Variants in HS3ST2 observed in about 807,000 individuals in gnomAD.
The protein encoded by HS3ST2 is heparan sulfate-glucosamine 3-sulfotransferase 2.
Under a neutral mutation model 26.3 loss-of-function variants are expected in HS3ST2, and 17 were observed. The ratio of observed to expected loss-of-function variants is 0.65; its 90% CI spans 0.44 to 0.97. The LOEUF (loss-of-function observed/expected upper bound fraction) is 0.97, where lower values mean the gene tolerates loss of function less well. Ranked by LOEUF, HS3ST2 falls within the 50% of genes least tolerant of loss-of-function variation. The probability of loss-of-function intolerance (pLI) is 0.00; values close to 1 mark genes in which losing one functional copy is unlikely to be tolerated. For synonymous variants in HS3ST2, 237 were observed against 219.2 expected, an observed-to-expected ratio of 1.08 and a Z score of -0.72; for missense variants, 402 against 501.2, an observed-to-expected ratio of 0.80 and a Z score of 1.89.
chr16:22,817,902 G>A (rs2141172656), intron 1 of HS3ST2, among the ~76,000 whole-genome samples: 1 of 152,316 alleles, frequency 6.6e-6, no homozygotes, highest in South Asian at 2.1e-4. Flanking sequence ...GCTTCTTTCT[G>A]TGGGTAAATG....
At chr16:22,873,920 A>T (rs537964878) in intron 1 of HS3ST2, among the ~76,000 whole-genome samples, 1 of 152,224 alleles carries the variant, frequency 6.6e-6, no homozygotes, top group African/African-American at 2.4e-5. Context: ...TCTCTGAGTG[A>T]TCTCCCATTC....
At chr16:22,905,332 G>A (rs1486734551) in intron 1 of HS3ST2, among the ~76,000 whole-genome samples, 12 of 152,172 alleles carry the variant, frequency 7.9e-5, no homozygotes, top group Admixed American at 2.6e-4. Flanking sequence ...GAGCTGTCCT[G>A]TGTTCCACTG....
At chr16:22,848,849 T>C (rs1396703351) in intron 1 of HS3ST2, among the ~76,000 whole-genome samples, 1 of 152,222 alleles carries the variant, frequency 6.6e-6, no homozygotes, top group African/African-American at 2.4e-5. Flanking sequence ...CACCGTACCA[T>C]GCATGGTGGT....
chr16:22,871,877 G>T lies in HS3ST2; in HGVS notation c.486-43067G>T, dbSNP rs140425351. ...CCGACGCCAATATTGGTAGGGAAAG[G>T]ATTCATTTCCAGGGCCAGGGTGGGC... On this transcript the variant is annotated intron_variant, in intron 1 of 1. Transcript: ENST00000261374. 1.6e-3 allele frequency among the ~76,000 whole-genome samples: 237 copies of T among 152,244 alleles called. 1 individual carries two copies. The highest frequency in any genetic ancestry group is 5.6e-3 in the African/African-American group (231 of 41,544).
At chr16:22,862,617 C>G (rs894102753) in intron 1 of HS3ST2, among the ~76,000 whole-genome samples, 2 of 152,136 alleles carry the variant, frequency 1.3e-5, no homozygotes, top group African/African-American at 4.8e-5. Flanking sequence ...TTTTCAGGAA[C>G]CTGGATGGCA....
intron 1 of HS3ST2, among the ~76,000 whole-genome samples, chr16:22,851,854 A>C (rs1901523297): frequency 6.6e-6 from 1 of 152,080 alleles, no homozygotes; most frequent in Non-Finnish European, 1.5e-5. Context: ...TGCCCTAGGG[A>C]TGTTAGCTGA....
intron 1 of HS3ST2, among the ~76,000 whole-genome samples, chr16:22,904,683 C>T (rs1396570109): frequency 6.6e-6 from 1 of 152,170 alleles, no homozygotes; most frequent in Admixed American, 6.5e-5. Flanking sequence ...TGGAGGAGTA[C>T]AGACTGGCTT....
intron 1 of HS3ST2, among the ~76,000 whole-genome samples, chr16:22,831,450 C>A (rs1460354434): frequency 6.6e-6 from 1 of 152,174 alleles, no homozygotes; most frequent in Non-Finnish European, 1.5e-5. Context: ...CAAGCGCAGA[C>A]ATGAAGAACT....
intron 1 of HS3ST2, among the ~76,000 whole-genome samples, chr16:22,819,237 A>G (rs1242781506): frequency 6.7e-6 from 1 of 148,606 alleles, no homozygotes; most frequent in Non-Finnish European, 1.5e-5. Flanking sequence ...GTTAACAGAA[A>G]GTCAGTTCAC....
chr16:22,835,256 T>G (rs181962431), intron 1 of HS3ST2, among the ~76,000 whole-genome samples: 1 of 152,188 alleles, frequency 6.6e-6, no homozygotes, highest in East Asian at 1.9e-4. Flanking sequence ...CCCCTGTTAC[T>G]TCCCTCTGAG....
At chr16:22,887,022 G>A (rs1022902386) in intron 1 of HS3ST2, among the ~76,000 whole-genome samples, 11 of 152,136 alleles carry the variant, frequency 7.2e-5, no homozygotes, top group African/African-American at 2.7e-4. Context: ...AAAGCACTGG[G>A]ATTACAGACA....
At chr16:22,906,094 C>A (rs1393071024) in intron 1 of HS3ST2, among the ~76,000 whole-genome samples, 4 of 152,198 alleles carry the variant, frequency 2.6e-5, no homozygotes, top group African/African-American at 9.6e-5. Context: ...AGGTACCAGC[C>A]GGGCACGGTG....
intron 1 of HS3ST2, among the ~76,000 whole-genome samples, chr16:22,863,774 G>T (rs533854727): frequency 6.6e-6 from 1 of 152,260 alleles, no homozygotes; most frequent in African/African-American, 2.4e-5. Flanking sequence ...GGCCATTCTG[G>T]CTCTCTTAGC....
At chr16:22,884,993 A>G (rs1481051578) in intron 1 of HS3ST2, among the ~76,000 whole-genome samples, 1 of 151,734 alleles carries the variant, frequency 6.6e-6, no homozygotes, top group Non-Finnish European at 1.5e-5. Context: ...GACACGTGCC[A>G]CCACGCCCAG....
chr16:22,828,403 T>A (rs1164625810), intron 1 of HS3ST2, among the ~76,000 whole-genome samples: 4 of 152,158 alleles, frequency 2.6e-5, no homozygotes, highest in Non-Finnish European at 5.9e-5. Context: ...GCTGCCATGA[T>A]GACACTGCCA....
intron 1 of HS3ST2, among the ~76,000 whole-genome samples, chr16:22,855,696 G>GTCTCTCTGTC (rs1555512843): frequency 5.6e-5 from 8 of 142,940 alleles, no homozygotes; most frequent in South Asian, 2.3e-4. Flanking sequence ...CTGTCTCTCT[G>GTCTCTCTGTC]TCTCTCTCTC....
chr16:22,817,381 C>A (rs1900886360), intron 1 of HS3ST2, among the ~76,000 whole-genome samples: 1 of 152,120 alleles, frequency 6.6e-6, no homozygotes, highest in African/African-American at 2.4e-5. Context: ...CAAATCCACA[C>A]CCCTAGAGTC....
chr16:22,906,595 C>T (rs188106066), intron 1 of HS3ST2, among the ~76,000 whole-genome samples: 125 of 152,308 alleles, frequency 8.2e-4, no homozygotes, highest in African/African-American at 2.8e-3. Flanking sequence ...TGGCATGAGA[C>T]GTTCCTTTAA....
At chr16:22,884,664 ATATATATATATAT>A (rs1902035873) in intron 1 of HS3ST2, among the ~76,000 whole-genome samples, 1 of 139,190 alleles carries the variant, frequency 7.2e-6, no homozygotes, top group African/African-American at 2.6e-5. Context: ...AAAAAAATAT[ATATATATATATAT>A]TATATATATA....
Sources: gnomAD v4.1 joint callset for allele counts (sites outside exome capture counted in the v4.1 genomes callset) on GRCh38, gnomAD v4.1.1 for gene constraint, MANE v1.5 for transcripts, NCBI Gene and HGNC (gene_info 2026-07-23, HGNC 2026-07-21) for gene names.